CAV2: variants seen among roughly 807,000 people sequenced by gnomAD.
CAV2 encodes caveolin 2.
In CAV2, 7 loss-of-function variants were observed where a neutral mutation model predicts 15.5. The observed-to-expected ratio is 0.45, with a 90% confidence interval of 0.26 to 0.85. The LOEUF (loss-of-function observed/expected upper bound fraction) is 0.85, where lower values mean the gene tolerates loss of function less well. Ranked by LOEUF, CAV2 falls within the 40% of genes least tolerant of loss-of-function variation. CAV2 has a pLI of 0.18. For synonymous variants in CAV2, 76 were observed against 83.1 expected (o/e 0.91, Z 0.46); for missense variants, 229 against 208.8 (o/e 1.10, Z -0.60).
chr7:116,504,024 A>AAG (rs1192085451), intron 2 of CAV2, among the ~76,000 whole-genome samples: 47 of 103,760 alleles, frequency 4.5e-4, no homozygotes, highest in South Asian at 1.1e-3. Flanking sequence ...GAAAGAAAGA[A>AAG]AGAAAGAGAA....
chr7:116,505,906 T>G, intron 2 of CAV2, 65 bp from the exon 3 acceptor site: 2 of 1,081,372 alleles, frequency 1.8e-6, no homozygotes, highest in Admixed American at 2.2e-5. Context: ...TTTTCATACA[T>G]GTACAAGACA....
At chr7:116,504,385 C>T (rs1793184724) in intron 2 of CAV2, among the ~76,000 whole-genome samples, 1 of 152,174 alleles carries the variant, frequency 6.6e-6, no homozygotes, top group African/African-American at 2.4e-5. Flanking sequence ...ATTGAGGTTT[C>T]TATTCAGCTA....
At chr7:116,499,975 G>A in intron 1 of CAV2, 44 bp downstream of exon 1, 1 of 1,595,788 alleles carries the variant, frequency 6.3e-7, no homozygotes. Context: ...CTGAGGCCGG[G>A]AGGTGCGGGC....
intron 2 of CAV2, among the ~76,000 whole-genome samples, chr7:116,505,427 A>G (rs1320881394): frequency 6.6e-6 from 1 of 152,214 alleles, no homozygotes. Flanking sequence ...TTGCATTACT[A>G]TGAAGGAATA....
At chr7:116,503,667 A>G (rs1563085789) in intron 2 of CAV2, among the ~76,000 whole-genome samples, 2 of 152,014 alleles carry the variant, frequency 1.3e-5, no homozygotes, top group African/African-American at 2.4e-5. Flanking sequence ...TGTCTCTACT[A>G]AAAATACAAA....
At chr7:116,503,691 T>G (rs1793153329) in intron 2 of CAV2, among the ~76,000 whole-genome samples, 1 of 151,822 alleles carries the variant, frequency 6.6e-6, no homozygotes, top group African/African-American at 2.4e-5. Flanking sequence ...TAGCCAAGCA[T>G]AGTAGCAAGT....
intron 2 of CAV2, among the ~76,000 whole-genome samples, chr7:116,504,927 A>G (rs564508782): frequency 2.4e-4 from 37 of 152,326 alleles, no homozygotes; most frequent in Non-Finnish European, 4.3e-4. Context: ...GATTACTGTG[A>G]AAAAATTAAA....
chr7:116,502,871 G>C (rs1202686204), intron 2 of CAV2, among the ~76,000 whole-genome samples: 1 of 152,136 alleles, frequency 6.6e-6, no homozygotes, highest in Non-Finnish European at 1.5e-5. Flanking sequence ...GATAGCTGCT[G>C]TTTGTTAAGC....
At position 116,499,762 on chromosome 7, in the gene CAV2, G is replaced by A. The variant is rs370415429; in HGVS notation, c.-20G>A. On this transcript the variant is annotated 5_prime_UTR_variant, in exon 1 of 3. Coordinates refer to ENST00000222693, the MANE Select transcript of CAV2 (RefSeq NM_001233.5). ...CGCACCGCGCCAGCCGGGCTGCAGC[G>A]GCCGCGCACCAAGGCTGCGATGGGG... The A allele has an allele frequency of 3.3e-6, 5 of 1,511,530 alleles. No individual in the cohort carries two copies. The Admixed American group carries it at 8.9e-5, about 27-fold the overall frequency. The allele number at this position is 1,511,530 out of a possible 1,614,324, so 93.6% of individuals were successfully genotyped here. A position where few individuals can be genotyped will look rare whatever the true frequency, so the allele number is the denominator to read the frequency against.
chr7:116,503,602 G>C (rs969864385), intron 2 of CAV2, among the ~76,000 whole-genome samples: 1 of 151,808 alleles, frequency 6.6e-6, no homozygotes, highest in Non-Finnish European at 1.5e-5. Flanking sequence ...GCCAAGCTGG[G>C]CAGATCACTT....
chr7:116,501,507 AAT>A (rs1793103389), intron 2 of CAV2, among the ~76,000 whole-genome samples: 1 of 152,210 alleles, frequency 6.6e-6, no homozygotes, highest in Admixed American at 6.5e-5. Context: ...CCTGAATCTT[AAT>A]TTATTTAGTC....
chr7:116,503,184 T>C (rs1402513215), intron 2 of CAV2, among the ~76,000 whole-genome samples: 1 of 149,176 alleles, frequency 6.7e-6, no homozygotes, highest in Non-Finnish European at 1.5e-5. Flanking sequence ...ATATATATTA[T>C]AAGATTTACT....
At chr7:116,500,511 C>T in intron 2 of CAV2, 64 bp downstream of exon 2, 1 of 1,478,136 alleles carries the variant, frequency 6.8e-7, no homozygotes. Context: ...CGCCACCTGC[C>T]CCCTACTCTC....
intron 2 of CAV2, among the ~76,000 whole-genome samples, chr7:116,503,019 A>G (rs994029440): frequency 2.0e-5 from 3 of 152,174 alleles, no homozygotes; most frequent in Non-Finnish European, 2.9e-5. Flanking sequence ...TTTCTAGAAG[A>G]CAGTTTTCAT....
chr7:116,503,923 A>AAGGGAGGGAGGG (rs869037328), intron 2 of CAV2, among the ~76,000 whole-genome samples: 14 of 53,306 alleles, frequency 2.6e-4, no homozygotes, highest in African/African-American at 1.2e-3. Context: ...GGAAGGAAGG[A>AAGGGAGGGAGGG]AGGGAGGGAG....
chr7:116,500,712 G>A, intron 2 of CAV2: 1 of 410,794 alleles, frequency 2.4e-6, no homozygotes, highest in Non-Finnish European at 4.4e-6. Flanking sequence ...TGGGCTGAGT[G>A]TGGAGGCGGG....
At chr7:116,503,454 T>C (rs1793147498) in intron 2 of CAV2, among the ~76,000 whole-genome samples, 1 of 152,186 alleles carries the variant, frequency 6.6e-6, no homozygotes, top group Admixed American at 6.5e-5. Context: ...TTTTGACATG[T>C]GCTAAATTCC....
rs902653273 is a variant in CAV2, at chr7:116,508,225, C to A, written c.*2104C>A. The A allele has an allele frequency of 4.6e-5, 7 of 152,160 alleles. No homozygotes were observed. The highest frequency in any genetic ancestry group is 1.7e-4 in the African/African-American group (7 of 41,438). 9.4% of individuals were successfully genotyped at this position (152,160 alleles called of 1,614,324 possible). A position where few individuals can be genotyped will look rare whatever the true frequency, so the allele number is the denominator to read the frequency against. Reference sequence around the variant, plus strand: ...CAAAAACATTTGATTAATAAAATATCTATTTGAATAAATTATGAGCTATCC... The same window carrying A: ...CAAAAACATTTGATTAATAAAATATATATTTGAATAAATTATGAGCTATCC... On this transcript the variant is annotated 3_prime_UTR_variant, in exon 3 of 3. Coordinates refer to ENST00000222693, the MANE Select transcript of CAV2 (RefSeq NM_001233.5).
chr7:116,503,836 A>G (rs2116128133), intron 2 of CAV2, among the ~76,000 whole-genome samples: 1 of 147,158 alleles, frequency 6.8e-6, no homozygotes, highest in East Asian at 2.0e-4. Context: ...AAAAGAAAGA[A>G]GGAAGGGAAG....
Sources: gnomAD v4.1 joint callset for allele counts (sites outside exome capture counted in the v4.1 genomes callset) on GRCh38, gnomAD v4.1.1 for gene constraint, MANE v1.5 for transcripts, NCBI Gene and HGNC (gene_info 2026-07-23, HGNC 2026-07-21) for gene names.